Variants in CTNND2 observed in about 807,000 individuals in gnomAD.
The protein encoded by CTNND2 is catenin delta 2.
A neutral mutation model predicts 144.4 loss-of-function variants in CTNND2; 22 were observed. The ratio of observed to expected loss-of-function variants is 0.15; its 90% confidence interval spans 0.11 to 0.22. The LOEUF is 0.22. CTNND2 is among the 10% of genes least tolerant of loss of function. The pLI is 1.00. For synonymous variants in CTNND2, 751 were observed against 695.6 expected (o/e 1.08, Z -1.25); for missense variants, 1,353 against 1,618.8 (o/e 0.84, Z 2.82).
intron 9 of CTNND2, among the ~76,000 whole-genome samples, chr5:11,307,630 A>G (rs114199795): frequency 1.3e-3 from 191 of 152,332 alleles, no homozygotes; most frequent in African/African-American, 4.4e-3. Context: ...ACAATTTTCT[A>G]TAAGAAAAAC....
intron 2 of CTNND2, among the ~76,000 whole-genome samples, chr5:11,668,155 T>C (rs1228681552): frequency 6.6e-6 from 1 of 152,240 alleles, no homozygotes; most frequent in Non-Finnish European, 1.5e-5. Flanking sequence ...CCATGCTGTT[T>C]TGGTTACTGT....
chr5:11,772,079 T>C (rs751759525), intron 1 of CTNND2, among the ~76,000 whole-genome samples: 2 of 152,192 alleles, frequency 1.3e-5, no homozygotes, highest in Admixed American at 6.5e-5. Context: ...TTGAACATGG[T>C]CCCTGCCTGT....
At chr5:11,874,020 C>T (rs1034331135) in intron 1 of CTNND2, among the ~76,000 whole-genome samples, 1 of 152,144 alleles carries the variant, frequency 6.6e-6, no homozygotes, top group African/African-American at 2.4e-5. Context: ...ACATCCAAGC[C>T]CTACTATTCA....
chr5:11,010,563 T>C (rs1372235013), intron 18 of CTNND2, among the ~76,000 whole-genome samples: 1 of 152,246 alleles, frequency 6.6e-6, no homozygotes, highest in Non-Finnish European at 1.5e-5. Context: ...CCATGGCTAC[T>C]GGCTCATCTA....
At position 11,251,150 on chromosome 5, in the gene CTNND2, C is replaced by T. The variant is rs150043462; in HGVS notation, c.1629-14327G>A. On this transcript the variant is annotated intron_variant, in intron 9 of 21. Coordinates refer to ENST00000304623, the MANE Select transcript of CTNND2 (RefSeq NM_001332.4). ...GAAGTGACTGAACACAATTATTGGCCGGAGTGTTTCGGCTGCTTGACTTTA... is the reference window on the plus strand; with the variant it reads ...GAAGTGACTGAACACAATTATTGGCTGGAGTGTTTCGGCTGCTTGACTTTA... Among the ~76,000 whole-genome samples the T allele has an allele frequency of 9.1e-3, 1,378 of 152,178 alleles. 33 individuals are homozygous for T. The highest frequency in any genetic ancestry group is 0.043 in the Admixed American group (653 of 15,280).
intron 3 of CTNND2, among the ~76,000 whole-genome samples, chr5:11,544,123 G>A (rs1775001120): frequency 6.6e-6 from 1 of 152,016 alleles, no homozygotes; most frequent in Non-Finnish European, 1.5e-5. Context: ...AAAATTTAAA[G>A]GGGACTTTAA....
chr5:11,136,682 A>G (rs1393068567), intron 12 of CTNND2, among the ~76,000 whole-genome samples: 1 of 152,212 alleles, frequency 6.6e-6, no homozygotes, highest in Non-Finnish European at 1.5e-5. Context: ...TAAGGCCACC[A>G]TGTATCTCTT....
At chr5:11,848,824 G>T (rs1434663729) in intron 1 of CTNND2, among the ~76,000 whole-genome samples, 1 of 152,104 alleles carries the variant, frequency 6.6e-6, no homozygotes, top group African/African-American at 2.4e-5. Flanking sequence ...TGTCCAGGAT[G>T]ATTCCCATGA....
intron 9 of CTNND2, among the ~76,000 whole-genome samples, chr5:11,327,344 CA>C (rs1471276272): frequency 4.6e-5 from 7 of 152,136 alleles, no homozygotes; most frequent in African/African-American, 1.7e-4. Flanking sequence ...GGGGATTTGG[CA>C]CGGGCTGGAA....
At chr5:11,364,353 T>A (rs1470560626) in intron 8 of CTNND2, among the ~76,000 whole-genome samples, 2 of 152,238 alleles carry the variant, frequency 1.3e-5, no homozygotes, top group Non-Finnish European at 2.9e-5. Context: ...CATACGTCTT[T>A]CACGTCCTAC....
intron 9 of CTNND2, among the ~76,000 whole-genome samples, chr5:11,240,107 AACAC>A (rs762278336): frequency 2.0e-5 from 3 of 149,442 alleles, no homozygotes; most frequent in Non-Finnish European, 3.0e-5. Flanking sequence ...TTAGCCACAC[AACAC>A]ACACACACAC....
In CTNND2 at chr5:11,364,677, TGG is replaced by T; in HGVS notation, c.1372+17_1372+18del. 1 of 1,591,594 alleles carries T rather than the reference TGG, an allele frequency of 6.3e-7. No homozygotes were observed. The highest frequency in any genetic ancestry group is 8.5e-7 in the Non-Finnish European group (1 of 1,172,164). ...CACCCCCTGTGGACAGGCCACCCAG[TGG>T]GGTCCTGATTACACACCTGTGCTCG... On this transcript the variant is annotated intron_variant, in intron 8 of 21. Transcript: ENST00000304623.
chr5:10,987,518 C>T (rs1738130375), intron 20 of CTNND2, among the ~76,000 whole-genome samples: 1 of 152,132 alleles, frequency 6.6e-6, no homozygotes, highest in Non-Finnish European at 1.5e-5. Context: ...CAGTCATCAG[C>T]TCTAAGGAAG....
chr5:11,384,548 A>C lies in CTNND2; in HGVS notation c.1177+117T>G. The C allele has an allele frequency of 1.1e-6, 1 of 902,608 alleles. No homozygotes were observed. Among genetic ancestry groups the C allele is most frequent in the Non-Finnish European group, 1.6e-6 (1 of 611,390 alleles). 55.9% of individuals were successfully genotyped at this position (902,608 alleles called of 1,614,324 possible). A position where few individuals can be genotyped will look rare whatever the true frequency, so the allele number is the denominator to read the frequency against. Reference sequence around the variant, plus strand: ...GCCCTGGCGTTCTCTGTCTCCTGCAACTACTACAACCTGGCAGACAGCGCG... The same window carrying C: ...GCCCTGGCGTTCTCTGTCTCCTGCACCTACTACAACCTGGCAGACAGCGCG... On this transcript the variant is annotated intron_variant, in intron 7 of 21. Coordinates refer to ENST00000304623, the MANE Select transcript of CTNND2 (RefSeq NM_001332.4). This position sits in a 1 kb window ranked among gnomAD's most constrained non-coding sequence, Gnocchi z 5.2.
At chr5:11,571,271 G>C (rs1203223161) in intron 2 of CTNND2, among the ~76,000 whole-genome samples, 1 of 152,136 alleles carries the variant, frequency 6.6e-6, no homozygotes, top group Non-Finnish European at 1.5e-5. Flanking sequence ...TGGGGTGAAA[G>C]AGCTGACACT....
In CTNND2 at chr5:11,169,263, A is replaced by G. The variant is rs1054626586; in HGVS notation, c.1976-9504T>C. On this transcript the variant is annotated intron_variant, in intron 11 of 21. Transcript: ENST00000304623. ...GACACTAAGACTCTTTCAAGGGAGCATTTTAGATCCACTGCAGTGAGGGAG... is the reference window on the plus strand; with the variant it reads ...GACACTAAGACTCTTTCAAGGGAGCGTTTTAGATCCACTGCAGTGAGGGAG... Among the ~76,000 whole-genome samples the G allele has an allele frequency of 7.9e-5, 12 of 152,296 alleles. 1 individual carries two copies. In the South Asian group the frequency reaches 1.7e-3, roughly 21 times the overall value.
In CTNND2 at chr5:11,800,774, T is replaced by C. The variant is rs144903013; in HGVS notation, c.38-68502A>G. ...TCATATTCTCAGCTATTGGAAAACC[T>C]AATCCTTCTCACTTAGAATTGAGTA... On this transcript the variant is annotated intron_variant, in intron 1 of 21. Coordinates refer to ENST00000304623, the MANE Select transcript of CTNND2 (RefSeq NM_001332.4). Among the ~76,000 whole-genome samples, 721 of 152,346 alleles carry C rather than the reference T, an allele frequency of 4.7e-3. 2 individuals are homozygous for C. The highest frequency in any genetic ancestry group is 0.016 in the African/African-American group (684 of 41,584).
chr5:11,413,751 A>C (rs2149840400), intron 3 of CTNND2, among the ~76,000 whole-genome samples: 1 of 152,262 alleles, frequency 6.6e-6, no homozygotes, highest in African/African-American at 2.4e-5. Context: ...ATTTTCATTA[A>C]TCATCCATTA....
intron 1 of CTNND2, among the ~76,000 whole-genome samples, chr5:11,843,877 A>G (rs1489800023): frequency 1.3e-5 from 2 of 152,182 alleles, no homozygotes; most frequent in African/African-American, 2.4e-5. Context: ...AGGAAAAATA[A>G]AAGATTATAT....
Sources: gnomAD v4.1 joint callset for allele counts (sites outside exome capture counted in the v4.1 genomes callset) on GRCh38, gnomAD v4.1.1 for gene constraint, Gnocchi (gnomAD v3.1) non-coding constraint, MANE v1.5 for transcripts, NCBI Gene and HGNC (gene_info 2026-07-23, HGNC 2026-07-21) for gene names.